The following CCDC25 variants were observed in gnomAD, a reference collection of about 807,000 sequenced individuals.
The protein encoded by CCDC25 is coiled-coil domain-containing protein 25.
In CCDC25, 16 loss-of-function variants were observed where a neutral mutation model predicts 35.3. The observed-to-expected ratio is 0.45, with a 90% confidence interval of 0.31 to 0.69. CCDC25 has a LOEUF of 0.69. Ranked by LOEUF, CCDC25 falls within the 30% of genes least tolerant of loss-of-function variation. The pLI is 0.06. For missense variants in CCDC25, 179 were observed against 250.7 expected, an observed-to-expected ratio of 0.71 and a Z score of 1.93; for synonymous variants, 79 against 80.3, an observed-to-expected ratio of 0.98 and a Z score of 0.09.
At chr8:27,769,085 T>C (rs141389063) in intron 1 of CCDC25, among the ~76,000 whole-genome samples, 1 of 152,244 alleles carries the variant, frequency 6.6e-6, no homozygotes, top group South Asian at 2.1e-4. Context: ...AGTTAAAAAC[T>C]TGGCAAGCCA....
intron 5 of CCDC25, among the ~76,000 whole-genome samples, chr8:27,749,388 C>T (rs1803717553): frequency 6.6e-6 from 1 of 152,076 alleles, no homozygotes; most frequent in Admixed American, 6.5e-5. Flanking sequence ...ACCACTTTAC[C>T]CAAGGGGTCA....
In CCDC25 at chr8:27,772,606, A is replaced by G; in HGVS notation, c.-66T>C. 6.7e-7 allele frequency: 1 copy of G among 1,502,040 alleles called. No individual in the cohort carries two copies. Among genetic ancestry groups the G allele is most frequent in the Non-Finnish European group, 9.0e-7 (1 of 1,107,576 alleles). 93.0% of individuals were successfully genotyped at this position (1,502,040 alleles called of 1,614,324 possible). The stretch of plus-strand genomic sequence containing the variant: ...GCGCTCAACTCACGAAGCTCAGGAT[A>G]CCAGACTCGCGGCGGCCGCCTGGCC... On this transcript the variant is annotated 5_prime_UTR_variant, in exon 1 of 9. Coordinates refer to ENST00000356537, the MANE Select transcript of CCDC25 (RefSeq NM_018246.3).
Position 27,765,070 on chromosome 8 carries a change from T to G in CCDC25, c.76+134A>C, listed in dbSNP as rs986247274. On this transcript the variant is annotated intron_variant, in intron 2 of 8. Coordinates refer to ENST00000356537, the MANE Select transcript of CCDC25 (RefSeq NM_018246.3). Reference sequence around the variant, plus strand: ...GTCTCCCTATGTGAGCTTGTTCTGTTTCTCAAAAGCTAGTTTATCAAAGTA... The same window carrying G: ...GTCTCCCTATGTGAGCTTGTTCTGTGTCTCAAAAGCTAGTTTATCAAAGTA... 297 of 750,640 alleles carry G rather than the reference T, an allele frequency of 4.0e-4. 4 individuals are homozygous for G. In the East Asian group the frequency reaches 9.4e-3, roughly 24 times the overall value. The allele number at this position is 750,640 out of a possible 1,614,324, so 46.5% of individuals were successfully genotyped here. A position where few individuals can be genotyped will look rare whatever the true frequency, so the allele number is the denominator to read the frequency against.
intron 4 of CCDC25, 87 bp from the exon 5 acceptor site, chr8:27,752,674 C>T (rs1389326250): frequency 2.1e-6 from 2 of 942,182 alleles, no homozygotes; most frequent in South Asian, 1.4e-5. Context: ...GCCTTACCTA[C>T]TAGGCATGAT....
chr8:27,756,996 G>A (rs930904899), intron 3 of CCDC25, among the ~76,000 whole-genome samples: 1 of 152,170 alleles, frequency 6.6e-6, no homozygotes, highest in African/African-American at 2.4e-5. Flanking sequence ...GTGCCAAGAT[G>A]AGTAGAGATA....
At chr8:27,759,055 A>G (rs1197593333) in intron 3 of CCDC25, among the ~76,000 whole-genome samples, 1 of 152,190 alleles carries the variant, frequency 6.6e-6, no homozygotes, top group Non-Finnish European at 1.5e-5. Context: ...CGACTTCTCC[A>G]ATCTTTCTAA....
At chr8:27,749,657 G>C (rs1803725774) in intron 5 of CCDC25, among the ~76,000 whole-genome samples, 1 of 152,038 alleles carries the variant, frequency 6.6e-6, no homozygotes, top group African/African-American at 2.4e-5. Flanking sequence ...TACAGCACAT[G>C]GCCCTGGATC....
intron 1 of CCDC25, among the ~76,000 whole-genome samples, chr8:27,768,815 A>G (rs1388558130): frequency 6.6e-6 from 1 of 152,184 alleles, no homozygotes; most frequent in African/African-American, 2.4e-5. Context: ...TTATAGAACA[A>G]TCTACTTTTA....
At position 27,762,413 on chromosome 8, in the gene CCDC25, A is replaced by G; in HGVS notation, c.116+6T>C. 1 of 1,613,048 alleles carries G rather than the reference A, an allele frequency of 6.2e-7. No individual in the cohort carries two copies. The highest frequency in any genetic ancestry group is 8.5e-7 in the Non-Finnish European group (1 of 1,179,488). On this transcript the variant is annotated splice_donor_region_variant and intron_variant, in intron 3 of 8. Transcript: ENST00000356537. ...TACAGAGGGCAGAACCAAAATTGTTACTTACCAGATATCTTCAGGCCAGCC... is the reference window on the plus strand; with the variant it reads ...TACAGAGGGCAGAACCAAAATTGTTGCTTACCAGATATCTTCAGGCCAGCC...
intron 4 of CCDC25, among the ~76,000 whole-genome samples, chr8:27,755,640 A>G (rs1585361091): frequency 6.6e-6 from 1 of 152,322 alleles, no homozygotes; most frequent in South Asian, 2.1e-4. Flanking sequence ...CAAACACTAC[A>G]CTGGCCAGGC....
intron 1 of CCDC25, among the ~76,000 whole-genome samples, chr8:27,769,858 T>C (rs1174448646): frequency 6.6e-6 from 1 of 152,202 alleles, no homozygotes; most frequent in Non-Finnish European, 1.5e-5. Flanking sequence ...ATCTTACCTT[T>C]TGGCTGAGCG....
intron 7 of CCDC25, among the ~76,000 whole-genome samples, chr8:27,741,490 C>T (rs1363285291): frequency 2.0e-5 from 3 of 152,162 alleles, no homozygotes; most frequent in African/African-American, 7.2e-5. Context: ...AGCAGCCTGA[C>T]CAATGTGGTG....
At chr8:27,772,240 G>C (rs900502897) in intron 1 of CCDC25, among the ~76,000 whole-genome samples, 6 of 152,236 alleles carry the variant, frequency 3.9e-5, no homozygotes, top group African/African-American at 1.4e-4. Context: ...GGAGTGACGG[G>C]ACGTCTTTCC....
chr8:27,753,945 T>C lies in CCDC25; in HGVS notation c.169-1358A>G, dbSNP rs17386573. On this transcript the variant is annotated intron_variant, in intron 4 of 8. Coordinates refer to ENST00000356537, the MANE Select transcript of CCDC25 (RefSeq NM_018246.3). ...ATAATGAAGTAGCATCTTATATTCA[T>C]CAAAATGGTCAAAAGGTTTTATTTT... Among the ~76,000 whole-genome samples the C allele has an allele frequency of 3.3e-3, 504 of 152,270 alleles. 3 individuals are homozygous for C. Among genetic ancestry groups the C allele is most frequent in the Middle Eastern group, 0.027 (8 of 294 alleles).
chr8:27,770,464 G>A (rs953799560), intron 1 of CCDC25, among the ~76,000 whole-genome samples: 2 of 151,086 alleles, frequency 1.3e-5, no homozygotes, highest in African/African-American at 4.9e-5. Context: ...TAGACCGGGC[G>A]CAGTGGCTCA....
chr8:27,765,472 G>A (rs1204597581), intron 1 of CCDC25, among the ~76,000 whole-genome samples: 1 of 152,068 alleles, frequency 6.6e-6, no homozygotes, highest in African/African-American at 2.4e-5. Flanking sequence ...ATAAGCCACG[G>A]AGATTGTAGG....
chr8:27,737,884 T>TCACACACACACA lies in CCDC25; in HGVS notation c.598-1651_598-1640dup, dbSNP rs141212043. 6.3e-4 allele frequency among the ~76,000 whole-genome samples: 93 copies of TCACACACACACA among 148,446 alleles called. No homozygotes were observed. Among genetic ancestry groups the TCACACACACACA allele is most frequent in the Non-Finnish European group, 1.2e-3 (80 of 66,818 alleles). On this transcript the variant is annotated intron_variant, in intron 8 of 8. Transcript: ENST00000356537. The surrounding 1 kb of genome is among the most constrained non-coding windows in gnomAD (Gnocchi z 4.6). ...AACTGTGGTGTGTGTATACACACAC[T>TCACACACACACA]CACACACACACACACACACACACAC...
chr8:27,760,561 C>T (rs1470842420), intron 3 of CCDC25, among the ~76,000 whole-genome samples: 1 of 152,144 alleles, frequency 6.6e-6, no homozygotes, highest in East Asian at 1.9e-4. Flanking sequence ...AGGAAATCAA[C>T]CAATATTTAC....
In CCDC25 at chr8:27,735,923, C is replaced by CT. The variant is rs3832544; in HGVS notation, c.*292dup. 1,575 of 287,204 alleles carry CT rather than the reference C, an allele frequency of 5.5e-3. 34 individuals carry two copies. In the East Asian group the frequency reaches 0.059, roughly 11 times the overall value. The allele number at this position is 287,204 out of a possible 1,614,324, so 17.8% of individuals were successfully genotyped here. ...TTTCAGAGCTGGTTCATTTTAAAGT[C>CT]TATCTCAAGAACAAGGGCAGCCTGC... is the stretch of plus-strand genomic sequence containing the variant. On this transcript the variant is annotated 3_prime_UTR_variant, in exon 9 of 9. Coordinates refer to ENST00000356537, the MANE Select transcript of CCDC25 (RefSeq NM_018246.3).
Sources: allele counts gnomAD v4.1 joint callset (sites outside exome capture counted in the v4.1 genomes callset), GRCh38; gene constraint gnomAD v4.1.1; non-coding constraint Gnocchi (gnomAD v3.1); transcripts MANE v1.5; gene names NCBI Gene and HGNC (gene_info 2026-07-23, HGNC 2026-07-21).